ACYP2: variants seen among roughly 807,000 people sequenced by gnomAD.
The protein encoded by ACYP2 is acylphosphatase-2.
A neutral mutation model predicts 11.2 loss-of-function variants in ACYP2; 12 were observed. The ratio of observed to expected loss-of-function variants is 1.08; its 90% CI spans 0.69 to 1.74. ACYP2 has a LOEUF of 1.74. Among genes scored for constraint, ACYP2 ranks in the 40% most tolerant of loss-of-function variants. ACYP2 has a pLI of 0.00. For missense variants in ACYP2, 134 were observed against 101.9 expected (o/e 1.31, Z -1.35); for synonymous variants, 43 against 32.2 (o/e 1.33, Z -1.13).
chr2:54,235,413 A>G (rs919183196), intron 6 of ACYP2, among the ~76,000 whole-genome samples: 3 of 152,124 alleles, frequency 2.0e-5, no homozygotes, highest in African/African-American at 4.8e-5. Flanking sequence ...CAGTGGCGCA[A>G]TCTCGGCTCA....
chr2:53,980,752 CTT>C (rs796522648), intron 2 of ACYP2, among the ~76,000 whole-genome samples: 2 of 146,060 alleles, frequency 1.4e-5, no homozygotes, highest in African/African-American at 5.0e-5. Context: ...TATAGGTGTA[CTT>C]TTTTTTTTTT....
chr2:54,051,688 T>C, intron 3 of ACYP2: 1 of 661,188 alleles, frequency 1.5e-6, no homozygotes, highest in South Asian at 1.5e-5. Context: ...TGCTGCATAT[T>C]GAGCTAAAGG....
chr2:54,076,070 G>T (rs182262093), intron 4 of ACYP2, among the ~76,000 whole-genome samples: 133 of 152,152 alleles, frequency 8.7e-4, no homozygotes, highest in African/African-American at 2.8e-3. Context: ...TTCCCATCTG[G>T]AAAATGATGC....
chr2:54,168,539 A>G (rs946126125), intron 6 of ACYP2, among the ~76,000 whole-genome samples: 3 of 152,238 alleles, frequency 2.0e-5, no homozygotes, highest in African/African-American at 7.2e-5. Flanking sequence ...AGAAACCATA[A>G]AAAGTAATTG....
chr2:54,195,228 G>A (rs189570900), intron 6 of ACYP2, among the ~76,000 whole-genome samples: 2 of 152,198 alleles, frequency 1.3e-5, no homozygotes, highest in East Asian at 3.9e-4. Flanking sequence ...TGGTATAGAG[G>A]GCATTGCCAG....
chr2:54,122,629 T>A (rs1337515242), intron 4 of ACYP2, among the ~76,000 whole-genome samples: 1 of 152,218 alleles, frequency 6.6e-6, no homozygotes, highest in East Asian at 1.9e-4. Flanking sequence ...CACATCTACC[T>A]TTTCTTTCTA....
chr2:54,029,407 G>A (rs938496998), intron 2 of ACYP2: 1 of 170,540 alleles, frequency 5.9e-6, no homozygotes, highest in African/African-American at 2.4e-5. Context: ...TCCGTCCAGA[G>A]GTCATATATA....
chr2:54,068,832 G>C (rs1362785490), intron 4 of ACYP2, among the ~76,000 whole-genome samples: 4 of 152,054 alleles, frequency 2.6e-5, no homozygotes, highest in Admixed American at 6.5e-5. Context: ...AGAAGCAATG[G>C]CTGTTGGTAC....
intron 6 of ACYP2, among the ~76,000 whole-genome samples, chr2:54,297,072 A>T (rs765461001): frequency 6.6e-6 from 1 of 151,012 alleles, no homozygotes; most frequent in Non-Finnish European, 1.5e-5. Context: ...AGAGCAGTGT[A>T]TTGTGGTTGT....
Position 54,272,391 on chromosome 2 carries a change from G to T in ACYP2, c.405-32297G>T, listed in dbSNP as rs566326291. On this transcript the variant is annotated intron_variant, in intron 6 of 6. Transcript: ENST00000607452. Reference sequence around the variant, plus strand: ...TATGAGGAACTAGGGAGGGATCTCAGAGCTGAATCCGCTCGCCTGCATCTG... The same window carrying T: ...TATGAGGAACTAGGGAGGGATCTCATAGCTGAATCCGCTCGCCTGCATCTG... 4.6e-5 allele frequency among the ~76,000 whole-genome samples: 7 copies of T among 152,320 alleles called. No individual in the cohort carries two copies. The South Asian group carries it at 1.4e-3, about 32-fold the overall frequency.
At chr2:54,143,274 A>G (rs1484902044) in intron 6 of ACYP2, 2 of 152,206 alleles carry the variant, frequency 1.3e-5, no homozygotes, top group African/African-American at 4.8e-5. Context: ...GTTTTAGGTA[A>G]ATATACTTTA....
At chr2:54,291,895 T>C (rs1689323643) in intron 6 of ACYP2, among the ~76,000 whole-genome samples, 1 of 152,344 alleles carries the variant, frequency 6.6e-6, no homozygotes, top group Non-Finnish European at 1.5e-5. Flanking sequence ...TCTGATATGG[T>C]CTGGTAGAAA....
Position 54,179,375 on chromosome 2 carries a change from C to A in ACYP2, c.404+40627C>A, listed in dbSNP as rs554947426. ...CTTGGAGATAGCATCAGATCGTTAC[C>A]GGAAAGGGGTCCTGATCCAGACCCT... is the stretch of plus-strand genomic sequence containing the variant. On this transcript the variant is annotated intron_variant, in intron 6 of 6. Coordinates refer to ENST00000607452, the MANE Select transcript of ACYP2 (RefSeq NM_001320586.2). 3.9e-5 allele frequency among the ~76,000 whole-genome samples: 6 copies of A among 152,148 alleles called. No homozygotes were observed. The South Asian group carries it at 1.2e-3, about 32-fold the overall frequency.
chr2:54,230,308 C>A (rs1686177028), intron 6 of ACYP2, among the ~76,000 whole-genome samples: 1 of 152,112 alleles, frequency 6.6e-6, no homozygotes, highest in African/African-American at 2.4e-5. Flanking sequence ...TGAGAGCTTC[C>A]TCTGCACAAT....
chr2:54,246,523 T>G (rs1261153862), intron 6 of ACYP2, among the ~76,000 whole-genome samples: 1 of 152,170 alleles, frequency 6.6e-6, no homozygotes, highest in Non-Finnish European at 1.5e-5. Flanking sequence ...CATTTCATCT[T>G]CCAACTTTCT....
intron 4 of ACYP2, chr2:54,082,663 G>T (rs1057033215): frequency 6.6e-6 from 1 of 152,134 alleles, no homozygotes; most frequent in East Asian, 1.9e-4. Context: ...AGCTTATTTT[G>T]TATAGTTTGC....
rs1289792115 is a variant in ACYP2 at position 54,076,785 on chromosome 2, C to G, written c.277+19425C>G. On this transcript the variant is annotated intron_variant, in intron 4 of 6. Transcript: ENST00000607452. ...GTGGAGGTGGTGGCTAGATCAGGGC[C>G]CCTTAGGAGTGGTCAAATATAGCTT... Among the ~76,000 whole-genome samples, 3 of 152,150 alleles carry G rather than the reference C, an allele frequency of 2.0e-5. No individual in the cohort carries two copies. The East Asian group carries it at 5.8e-4, about 29-fold the overall frequency.
At chr2:54,038,965 G>A (rs986913539) in intron 2 of ACYP2, among the ~76,000 whole-genome samples, 2 of 151,850 alleles carry the variant, frequency 1.3e-5, no homozygotes, top group African/African-American at 2.4e-5. Context: ...GATATTTGAG[G>A]GAAGGAGTTG....
rs564975220 is a variant in ACYP2, at chr2:54,095,540, G to A, written c.277+38180G>A. 3.4e-3 allele frequency among the ~76,000 whole-genome samples: 516 copies of A among 149,568 alleles called. 1 individual carries two copies. The highest frequency in any genetic ancestry group is 0.012 in the African/African-American group (493 of 40,562). On this transcript the variant is annotated intron_variant, in intron 4 of 6. Transcript: ENST00000607452. ...TGACCCCCCCACCTCCCTCCCGGAC[G>A]GGGCAGCTGGCTGGGCGGGGGGCTG... is the stretch of plus-strand genomic sequence containing the variant.
Sources: gnomAD v4.1 joint callset for allele counts (sites outside exome capture counted in the v4.1 genomes callset) on GRCh38, gnomAD v4.1.1 for gene constraint, MANE v1.5 for transcripts, NCBI Gene and HGNC (gene_info 2026-07-23, HGNC 2026-07-21) for gene names.